The following LUZP2 variants were observed in gnomAD, a reference collection of about 807,000 sequenced individuals.
LUZP2 encodes the protein leucine zipper protein 2.
In LUZP2, 52 loss-of-function variants were observed where a neutral mutation model predicts 51.6. That is an observed-to-expected ratio of 1.01 (90% CI 0.81 to 1.27). LUZP2 has a LOEUF of 1.27. Ranked by LOEUF, LUZP2 falls within the 50% of genes most tolerant of loss-of-function variation. The pLI is 0.00. For missense variants in LUZP2, 436 were observed against 395.4 expected (o/e 1.10, Z -0.87); for synonymous variants, 154 against 137.3 (o/e 1.12, Z -0.85).
intron 7 of LUZP2, among the ~76,000 whole-genome samples, chr11:24,937,466 T>C (rs1394597653): frequency 6.6e-6 from 1 of 152,180 alleles, no homozygotes; most frequent in Non-Finnish European, 1.5e-5. Context: ...TATATGCAAA[T>C]ACATTGTACA....
At chr11:24,761,401 T>A (rs1279543750) in intron 4 of LUZP2, among the ~76,000 whole-genome samples, 3 of 152,166 alleles carry the variant, frequency 2.0e-5, no homozygotes, top group Non-Finnish European at 2.9e-5. Context: ...TCCAATCACC[T>A]GCCACCAGGT....
At chr11:25,068,865 TCA>T (rs1859071281) in intron 10 of LUZP2, among the ~76,000 whole-genome samples, 1 of 151,960 alleles carries the variant, frequency 6.6e-6, no homozygotes, top group Non-Finnish European at 1.5e-5. Context: ...TGCATCCCCC[TCA>T]CTTACAGAAT....
At chr11:24,761,180 C>T (rs1859964948) in intron 4 of LUZP2, among the ~76,000 whole-genome samples, 1 of 152,082 alleles carries the variant, frequency 6.6e-6, no homozygotes, top group African/African-American at 2.4e-5. Flanking sequence ...GTTCCACAGG[C>T]TATACAGGAA....
intron 6 of LUZP2, among the ~76,000 whole-genome samples, chr11:24,911,975 A>G (rs536959450): frequency 3.9e-5 from 6 of 152,312 alleles, no homozygotes; most frequent in African/African-American, 9.6e-5. Flanking sequence ...GTGACTTTCT[A>G]TGGAAATGAA....
At chr11:24,972,867 G>T (rs888632709) in intron 7 of LUZP2, among the ~76,000 whole-genome samples, 2 of 151,994 alleles carry the variant, frequency 1.3e-5, no homozygotes, top group African/African-American at 4.8e-5. Context: ...GTTCATCAGG[G>T]ATATTTGTCT....
At chr11:25,021,688 A>G (rs1297856761) in intron 9 of LUZP2, among the ~76,000 whole-genome samples, 2 of 152,034 alleles carry the variant, frequency 1.3e-5, no homozygotes, top group Non-Finnish European at 2.9e-5. Context: ...CTGAATGTGG[A>G]AGGGAGCCAG....
At chr11:24,571,505 G>A (rs867194143) in intron 1 of LUZP2, among the ~76,000 whole-genome samples, 1 of 151,978 alleles carries the variant, frequency 6.6e-6, no homozygotes, top group African/African-American at 2.4e-5. Context: ...TAAAGTTAGT[G>A]GATGCCTTGA....
chr11:25,037,489 C>T (rs1445699990), intron 9 of LUZP2, among the ~76,000 whole-genome samples: 2 of 152,040 alleles, frequency 1.3e-5, no homozygotes, highest in African/African-American at 4.8e-5. Context: ...ATTTTTGATT[C>T]TGTCATTGTG....
intron 7 of LUZP2, among the ~76,000 whole-genome samples, chr11:24,969,989 G>C (rs1191659122): frequency 2.0e-5 from 3 of 152,086 alleles, no homozygotes; most frequent in African/African-American, 7.2e-5. Context: ...GATGAACCAT[G>C]CATTTGTACT....
At chr11:24,806,063 C>T (rs894521267) in intron 5 of LUZP2, among the ~76,000 whole-genome samples, 1 of 152,028 alleles carries the variant, frequency 6.6e-6, no homozygotes, top group Non-Finnish European at 1.5e-5. Context: ...ATGAAGAGAC[C>T]AGGAATATTA....
intron 7 of LUZP2, among the ~76,000 whole-genome samples, chr11:24,951,482 C>T (rs1051342755): frequency 2.0e-5 from 3 of 151,370 alleles, no homozygotes; most frequent in African/African-American, 7.3e-5. Context: ...TCTAATACCC[C>T]TAATTATAAG....
intron 9 of LUZP2, among the ~76,000 whole-genome samples, chr11:25,038,917 A>AT (rs1255477531): frequency 6.6e-6 from 1 of 152,100 alleles, no homozygotes; most frequent in African/African-American, 2.4e-5. Flanking sequence ...TAGTAAAGTG[A>AT]TTTTTGGTGC....
At chr11:24,777,827 G>A (rs2134067576) in intron 5 of LUZP2, among the ~76,000 whole-genome samples, 1 of 151,868 alleles carries the variant, frequency 6.6e-6, no homozygotes, top group African/African-American at 2.4e-5. Context: ...TTGGTGTGGT[G>A]ATGAGTATAC....
chr11:24,677,174 T>C (rs188370907), intron 1 of LUZP2, among the ~76,000 whole-genome samples: 140 of 152,342 alleles, frequency 9.2e-4, no homozygotes, highest in African/African-American at 3.1e-3. Flanking sequence ...TGTAGCTGCC[T>C]GGCACTATTG....
intron 5 of LUZP2, among the ~76,000 whole-genome samples, chr11:24,805,356 T>A (rs1849822476): frequency 6.6e-6 from 1 of 152,042 alleles, no homozygotes; most frequent in South Asian, 2.1e-4. Flanking sequence ...CTGTGGGAGT[T>A]ACAATTCAAT....
intron 5 of LUZP2, among the ~76,000 whole-genome samples, chr11:24,829,445 G>C (rs1284661911): frequency 6.6e-6 from 1 of 152,120 alleles, no homozygotes; most frequent in Non-Finnish European, 1.5e-5. Context: ...TTGAAATTTA[G>C]TATTTTGAAA....
At chr11:24,957,900 C>A (rs987456235) in intron 7 of LUZP2, among the ~76,000 whole-genome samples, 1 of 152,134 alleles carries the variant, frequency 6.6e-6, no homozygotes, top group African/African-American at 2.4e-5. Context: ...GCTATCCCTC[C>A]CCTCCCCAAC....
chr11:24,971,012 G>A (rs533233929), intron 7 of LUZP2, among the ~76,000 whole-genome samples: 1 of 152,276 alleles, frequency 6.6e-6, no homozygotes, highest in African/African-American at 2.4e-5. Context: ...GGATGAAGAT[G>A]GAGGCCATAA....
intron 4 of LUZP2, among the ~76,000 whole-genome samples, chr11:24,755,786 G>C (rs74358413): frequency 0.014 from 2,055 of 152,178 alleles, 47 homozygotes; most frequent in African/African-American, 0.047. Flanking sequence ...ATTCCAACCT[G>C]ACTTTAGTGT....
Sources: allele counts gnomAD v4.1 joint callset (sites outside exome capture counted in the v4.1 genomes callset), GRCh38; gene constraint gnomAD v4.1.1; transcripts MANE v1.5; gene names NCBI Gene and HGNC (gene_info 2026-07-23, HGNC 2026-07-21).